DPP6: variants seen among roughly 807,000 people sequenced by gnomAD.
The protein encoded by DPP6 is dipeptidyl peptidase like 6.
Under a neutral mutation model 122.6 loss-of-function variants are expected in DPP6, and 69 were observed. That is an observed-to-expected ratio of 0.56 (90% CI 0.46 to 0.69). DPP6 has a LOEUF of 0.69. Among genes scored for constraint, DPP6 ranks in the 30% least tolerant of loss-of-function variants. DPP6 has a pLI of 0.00. For missense variants in DPP6, 928 were observed against 1,116.9 expected (o/e 0.83, Z 2.41); for synonymous variants, 418 against 433.1 (o/e 0.97, Z 0.43).
chr7:154,582,184 T>C (rs570136082), intron 5 of DPP6, among the ~76,000 whole-genome samples: 2 of 152,318 alleles, frequency 1.3e-5, no homozygotes, highest in South Asian at 4.1e-4. Context: ...AAAGGTTTCA[T>C]TGAGTGCAGA....
At chr7:154,796,726 T>C (rs556244869) in intron 12 of DPP6, among the ~76,000 whole-genome samples, 1 of 152,328 alleles carries the variant, frequency 6.6e-6, no homozygotes, top group South Asian at 2.1e-4. Flanking sequence ...GGAAAATAAC[T>C]GAAGCTGGAC....
In DPP6 at chr7:154,264,872, C is replaced by T. The variant is rs111161482; in HGVS notation, c.244-181342C>T. On this transcript the variant is annotated intron_variant, in intron 1 of 25. Coordinates refer to ENST00000377770, the MANE Select transcript of DPP6 (RefSeq NM_130797.4). Reference sequence around the variant, plus strand: ...GATGATAGTGATAATGATGGTGATCCTGATGATGGTGATAATGGTGATGAT... The same window carrying T: ...GATGATAGTGATAATGATGGTGATCTTGATGATGGTGATAATGGTGATGAT... Among the ~76,000 whole-genome samples the T allele has an allele frequency of 9.9e-3, 1,126 of 113,220 alleles. 34 individuals carry two copies. Among genetic ancestry groups the T allele is most frequent in the African/African-American group, 0.035 (1,002 of 28,578 alleles). 74.3% of individuals were successfully genotyped at this position (113,220 alleles called of 152,430 possible).
chr7:154,714,101 A>G (rs1252756913), intron 7 of DPP6, among the ~76,000 whole-genome samples: 1 of 152,222 alleles, frequency 6.6e-6, no homozygotes, highest in Non-Finnish European at 1.5e-5. Flanking sequence ...CAAGTTCCTT[A>G]TCTTCATCTG....
At chr7:154,286,213 G>A (rs1390083454) in intron 1 of DPP6, among the ~76,000 whole-genome samples, 1 of 152,110 alleles carries the variant, frequency 6.6e-6, no homozygotes, top group African/African-American at 2.4e-5. Context: ...TTTGTCCAGA[G>A]CTGAGGAAAA....
At position 154,150,157 on chromosome 7, in the gene DPP6, A is replaced by G. The variant is rs546969220; in HGVS notation, c.243+97094A>G. On this transcript the variant is annotated intron_variant, in intron 1 of 25. Transcript: ENST00000377770. Reference sequence around the variant, plus strand: ...AGGTTTGCTTTTGTTTTGCTGTTCTAAGAAAAAAGAATGTGCCATTTGGAC... The same window carrying G: ...AGGTTTGCTTTTGTTTTGCTGTTCTGAGAAAAAAGAATGTGCCATTTGGAC... Among the ~76,000 whole-genome samples, 15 of 145,848 alleles carry G rather than the reference A, an allele frequency of 1.0e-4. 1 individual carries two copies. Among genetic ancestry groups the G allele is most frequent in the Admixed American group, 4.1e-4 (6 of 14,694 alleles).
At chr7:154,612,487 G>A (rs1443943212) in intron 5 of DPP6, among the ~76,000 whole-genome samples, 1 of 124,574 alleles carries the variant, frequency 8.0e-6, no homozygotes, top group Non-Finnish European at 1.8e-5. Flanking sequence ...TATCCATAGC[G>A]GGTTCCTTTT....
chr7:153,879,960 C>G, the DPP6 span, among the ~76,000 whole-genome samples: 3 of 152,236 alleles, frequency 2.0e-5, no homozygotes, highest in South Asian at 6.2e-4. Flanking sequence ...TTTTAAAAAG[C>G]TATGGCCTTC....
upstream of DPP6, among the ~76,000 whole-genome samples, chr7:154,050,265 TTAC>T (rs200209589): frequency 0.015 from 2,237 of 152,326 alleles, 65 homozygotes; most frequent in African/African-American, 0.051. Flanking sequence ...TTTAGTTAGA[TTAC>T]AGTTACCTAC....
chr7:154,368,900 A>T (rs942534174), intron 1 of DPP6, among the ~76,000 whole-genome samples: 3 of 152,068 alleles, frequency 2.0e-5, no homozygotes, highest in African/African-American at 7.2e-5. Flanking sequence ...TTTTTTTCCT[A>T]AACAGGAAAA....
intron 1 of DPP6, among the ~76,000 whole-genome samples, chr7:154,034,207 AGG>A (rs1799401987): frequency 6.6e-6 from 1 of 152,180 alleles, no homozygotes; most frequent in Non-Finnish European, 1.5e-5. Context: ...CTAAAGATAG[AGG>A]TATACCTGGT....
In DPP6 at chr7:154,043,249, C is replaced by T. The variant is rs192879116; in HGVS notation, c.51+155515C>T. Among the ~76,000 whole-genome samples the T allele has an allele frequency of 2.8e-3, 418 of 151,896 alleles. 1 individual carries two copies. The highest frequency in any genetic ancestry group is 4.0e-3 in the Non-Finnish European group (270 of 67,940). ...CCCCAGCTAAAAATACAAAATTAGC[C>T]AGCTCTGGTGGCGCATGCCTGTAAT... On this transcript the variant is annotated intron_variant, in intron 1 of 25. Transcript: ENST00000404039.
intron 1 of DPP6, chr7:154,305,190 C>T: frequency 9.5e-7 from 1 of 1,047,270 alleles, no homozygotes. Flanking sequence ...CCAGCCGCCA[C>T]TTGCCGGTTG....
At chr7:154,785,190 A>C (rs562371667) in intron 10 of DPP6, among the ~76,000 whole-genome samples, 1 of 152,324 alleles carries the variant, frequency 6.6e-6, no homozygotes, top group African/African-American at 2.4e-5. Flanking sequence ...AGTATTGCAT[A>C]TTAGTGCTTA....
At chr7:154,051,084 G>T (rs1203090948), upstream of DPP6, among the ~76,000 whole-genome samples, 1 of 123,722 alleles carries the variant, frequency 8.1e-6, no homozygotes, top group African/African-American at 3.0e-5. Context: ...CTGGGGGCGA[G>T]CCTGCAGTCA....
chr7:154,093,414 A>G (rs1805028349), intron 1 of DPP6, among the ~76,000 whole-genome samples: 1 of 143,130 alleles, frequency 7.0e-6, no homozygotes, highest in African/African-American at 2.6e-5. Flanking sequence ...CACATCCTAC[A>G]CACCACACAC....
intron 1 of DPP6, among the ~76,000 whole-genome samples, chr7:154,189,462 G>A (rs1370690331): frequency 4.6e-5 from 7 of 152,194 alleles, no homozygotes; most frequent in African/African-American, 2.4e-5. Flanking sequence ...TGTTCAGTTA[G>A]TGGTGTCCAA....
chr7:154,431,769 G>A (rs953301331), intron 1 of DPP6, among the ~76,000 whole-genome samples: 33 of 151,976 alleles, frequency 2.2e-4, no homozygotes, highest in Admixed American at 6.6e-4. Context: ...TCCTGACCTC[G>A]TGATCCGCCC....
chr7:154,687,590 A>G (rs1040386777), intron 7 of DPP6, among the ~76,000 whole-genome samples: 9 of 152,120 alleles, frequency 5.9e-5, no homozygotes, highest in Admixed American at 3.9e-4. Flanking sequence ...TATACATTTA[A>G]GATTCAATTA....
At chr7:153,949,712 A>C (rs955012937) in intron 1 of DPP6, among the ~76,000 whole-genome samples, 2 of 152,298 alleles carry the variant, frequency 1.3e-5, no homozygotes, top group Admixed American at 1.3e-4. Context: ...TCCTCTAATC[A>C]CTTGGAAGAA....
Sources: allele counts gnomAD v4.1 joint callset (sites outside exome capture counted in the v4.1 genomes callset), GRCh38; gene constraint gnomAD v4.1.1; transcripts MANE v1.5; gene names NCBI Gene and HGNC (gene_info 2026-07-23, HGNC 2026-07-21).